Variants in AKAP13 observed in about 807,000 individuals in gnomAD.
AKAP13 encodes A-kinase anchoring protein 13, also known as A-kinase anchor protein 13.
In AKAP13, 80 loss-of-function variants were observed where a neutral mutation model predicts 264.5. That is an observed-to-expected ratio of 0.30 (90% CI 0.25 to 0.36). The LOEUF (loss-of-function observed/expected upper bound fraction) is 0.36, where lower values mean the gene tolerates loss of function less well. Among genes scored for constraint, AKAP13 ranks in the 10% least tolerant of loss-of-function variants. The probability of loss-of-function intolerance (pLI) is 1.00; values close to 1 mark genes in which losing one functional copy is unlikely to be tolerated. For missense variants in AKAP13, 3,712 were observed against 3,435.2 expected (o/e 1.08, Z -2.01); for synonymous variants, 1,380 against 1,250.2 (o/e 1.10, Z -2.19).
At chr15:85,628,227 C>T (rs886973071) in intron 8 of AKAP13, among the ~76,000 whole-genome samples, 1 of 152,116 alleles carries the variant, frequency 6.6e-6, no homozygotes, top group Non-Finnish European at 1.5e-5. Context: ...ACTTATAAAC[C>T]GTGGTAGCTA....
At chr15:85,669,593 A>G (rs2083804500) in intron 13 of AKAP13, 129 bp from the exon 14 acceptor site, 6 of 582,534 alleles carry the variant, frequency 1.0e-5, no homozygotes, top group Non-Finnish European at 1.8e-5. Flanking sequence ...TCTGACCACA[A>G]GGCCTGTGCT....
At chr15:85,663,310 A>AG (rs1243020967) in intron 12 of AKAP13, among the ~76,000 whole-genome samples, 1 of 18,616 alleles carries the variant, frequency 5.4e-5, no homozygotes, top group African/African-American at 2.1e-4. Context: ...GCTCTGTCTC[A>AG]AAAAAAAAAA....
chr15:85,541,242 A>G (rs2077572096), intron 4 of AKAP13, among the ~76,000 whole-genome samples: 1 of 152,254 alleles, frequency 6.6e-6, no homozygotes, highest in African/African-American at 2.4e-5. Flanking sequence ...ATGCTGAAGT[A>G]TTTTGGGGTG....
chr15:85,472,374 C>T (rs972150204), intron 1 of AKAP13, among the ~76,000 whole-genome samples: 1 of 150,456 alleles, frequency 6.6e-6, no homozygotes, highest in Non-Finnish European at 1.5e-5. Context: ...AACAACTCAA[C>T]AAATTTTCAA....
At chr15:85,423,059 T>C (rs1021645998) in intron 1 of AKAP13, among the ~76,000 whole-genome samples, 17 of 152,248 alleles carry the variant, frequency 1.1e-4, no homozygotes, top group African/African-American at 3.9e-4. Context: ...TGAAAAATAT[T>C]GCTAAAAAAT....
intron 4 of AKAP13, among the ~76,000 whole-genome samples, chr15:85,538,933 C>A (rs1406554999): frequency 6.6e-6 from 1 of 151,606 alleles, no homozygotes; most frequent in Middle Eastern, 3.4e-3. Flanking sequence ...CAGGTTCACA[C>A]CATTCTCCTG....
At chr15:85,704,949 G>A (rs1186688530) in intron 17 of AKAP13, among the ~76,000 whole-genome samples, 1 of 152,140 alleles carries the variant, frequency 6.6e-6, no homozygotes, top group Non-Finnish European at 1.5e-5. Context: ...AGGACAACTT[G>A]GAAACAAGTT....
chr15:85,461,625 G>A (rs1033001252), intron 1 of AKAP13, among the ~76,000 whole-genome samples: 2 of 151,672 alleles, frequency 1.3e-5, no homozygotes, highest in Non-Finnish European at 2.9e-5. Flanking sequence ...TGTTGTTGTT[G>A]TTGGGGGAGG....
At chr15:85,668,451 G>A (rs2083725945) in intron 13 of AKAP13, among the ~76,000 whole-genome samples, 1 of 152,176 alleles carries the variant, frequency 6.6e-6, no homozygotes, top group African/African-American at 2.4e-5. Flanking sequence ...TTCTGCAGGT[G>A]GTTGGATTAC....
chr15:85,668,012 C>T, intron 13 of AKAP13, among the ~76,000 whole-genome samples: 1 of 152,134 alleles, frequency 6.6e-6, no homozygotes, highest in East Asian at 1.9e-4. Context: ...TTCCTGGAAT[C>T]TCTACTTACC....
chr15:85,589,208 A>G (rs1596621720), intron 8 of AKAP13, among the ~76,000 whole-genome samples: 3 of 152,252 alleles, frequency 2.0e-5, no homozygotes, highest in Admixed American at 2.0e-4. Flanking sequence ...TTTTCACTGG[A>G]TGGGGAAAGA....
chr15:85,551,851 CT>C, intron 5 of AKAP13, among the ~76,000 whole-genome samples: 1 of 152,304 alleles, frequency 6.6e-6, no homozygotes, highest in East Asian at 1.9e-4. Flanking sequence ...TTGATAGCAC[CT>C]TCTGCTCTTA....
chr15:85,581,692 C>G lies in AKAP13; in HGVS notation c.3624C>G (p.Ala1208=), dbSNP rs764458601. ...AGCTCTCAGCCCATGATGATGGGGC[C>G]CCAGCTGGTGTGAGGGAAGTCATGC... The part of the protein sequence containing the change: ...DMELSAHDDG[A]PAGVREVMRA... Residue 1208 remains alanine, a synonymous_variant, in exon 7 of 37, where the codon GCC becomes GCG. Transcript: ENST00000394518. 1 of 1,614,076 alleles carries G rather than the reference C, an allele frequency of 6.2e-7. No individual in the cohort carries two copies. Among genetic ancestry groups the G allele is most frequent in the Non-Finnish European group, 8.5e-7 (1 of 1,180,014 alleles).
intron 15 of AKAP13, chr15:85,683,403 G>A (rs1302806017): frequency 6.6e-6 from 1 of 152,208 alleles, no homozygotes; most frequent in Non-Finnish European, 1.5e-5. Flanking sequence ...CCTAAGCAAA[G>A]TAGTATAAAT....
At chr15:85,739,326 G>A (rs1011300105) in intron 33 of AKAP13, among the ~76,000 whole-genome samples, 6 of 152,136 alleles carry the variant, frequency 3.9e-5, no homozygotes, top group Non-Finnish European at 7.3e-5. Flanking sequence ...CGTTTGATAA[G>A]TTTGGGTCAT....
intron 8 of AKAP13, among the ~76,000 whole-genome samples, chr15:85,627,167 T>C (rs2081447564): frequency 6.6e-6 from 1 of 152,184 alleles, no homozygotes; most frequent in Non-Finnish European, 1.5e-5. Context: ...TCGTCTGTTA[T>C]CTCAAGAACA....
At chr15:85,553,878 T>C (rs887238656) in intron 5 of AKAP13, among the ~76,000 whole-genome samples, 1 of 152,154 alleles carries the variant, frequency 6.6e-6, no homozygotes, top group Non-Finnish European at 1.5e-5. Flanking sequence ...GGGATCTAGG[T>C]TGCATGCTTC....
At chr15:85,427,201 C>T (rs1006355934) in intron 1 of AKAP13, among the ~76,000 whole-genome samples, 1 of 151,894 alleles carries the variant, frequency 6.6e-6, no homozygotes, top group African/African-American at 2.4e-5. Context: ...GTGATCCGCC[C>T]GCCTCGGCCT....
intron 13 of AKAP13, among the ~76,000 whole-genome samples, chr15:85,668,219 C>A (rs2083713031): frequency 6.6e-6 from 1 of 152,214 alleles, no homozygotes; most frequent in Admixed American, 6.5e-5. Flanking sequence ...ATGAAACAAG[C>A]TCTAAATAAT....
Sources: gnomAD v4.1 joint callset for allele counts (sites outside exome capture counted in the v4.1 genomes callset) on GRCh38, gnomAD v4.1.1 for gene constraint, MANE v1.5 for transcripts, NCBI Gene and HGNC (gene_info 2026-07-23, HGNC 2026-07-21) for gene names.